DPH6: variants seen among roughly 807,000 people sequenced by gnomAD.
DPH6 encodes diphthine--ammonia ligase.
A neutral mutation model predicts 38.2 loss-of-function variants in DPH6; 33 were observed. The observed-to-expected ratio is 0.86, with a 90% CI of 0.65 to 1.15. DPH6 has a LOEUF of 1.15. Among genes scored for constraint, DPH6 ranks in the 50% most tolerant of loss-of-function variants. The pLI, the probability that DPH6 is intolerant of heterozygous loss-of-function variation, is 0.00. For synonymous variants in DPH6, 108 were observed against 103.0 expected, an observed-to-expected ratio of 1.05 and a Z score of -0.30; for missense variants, 325 against 320.0, an observed-to-expected ratio of 1.02 and a Z score of -0.12.
chr15:35,275,726 A>T (rs112820656), intron 3 of DPH6, among the ~76,000 whole-genome samples: 5,802 of 152,016 alleles, frequency 0.038, 290 homozygotes, highest in African/African-American at 0.12. Context: ...AAAAAAAAAA[A>T]AATAATAATA....
intron 3 of DPH6, among the ~76,000 whole-genome samples, chr15:35,271,127 T>C (rs951174306): frequency 4.6e-5 from 7 of 152,226 alleles, no homozygotes; most frequent in African/African-American, 1.7e-4. Flanking sequence ...AAAGGATTAG[T>C]TCAGCCAAAC....
At chr15:35,198,467 C>G in the DPH6 span, among the ~76,000 whole-genome samples, 3 of 152,154 alleles carry the variant, frequency 2.0e-5, no homozygotes, top group Non-Finnish European at 4.4e-5. Flanking sequence ...TTGGTGGAAT[C>G]CTTGCTTAAA....
chr15:35,494,213 T>C (rs904268745), intron 3 of DPH6, among the ~76,000 whole-genome samples: 3 of 152,168 alleles, frequency 2.0e-5, no homozygotes, highest in Non-Finnish European at 4.4e-5. Flanking sequence ...TATTACTATT[T>C]AATATTACTG....
At chr15:35,149,522 C>A in the DPH6 span, among the ~76,000 whole-genome samples, 3 of 152,198 alleles carry the variant, frequency 2.0e-5, no homozygotes, top group Non-Finnish European at 4.4e-5. Flanking sequence ...CAGGCGTGAG[C>A]CACTGTGCCT....
At chr15:35,536,649 T>C (rs905518073) in intron 3 of DPH6, among the ~76,000 whole-genome samples, 2 of 152,054 alleles carry the variant, frequency 1.3e-5, no homozygotes, top group African/African-American at 4.8e-5. Context: ...TCTTCCAAAG[T>C]GATCAAGTTT....
chr15:35,171,094 T>C, the DPH6 span, among the ~76,000 whole-genome samples: 1 of 152,228 alleles, frequency 6.6e-6, no homozygotes, highest in Non-Finnish European at 1.5e-5. Context: ...GAAGGTGACA[T>C]TCATTGTAAA....
chr15:35,292,179 G>A (rs2051984534), intron 3 of DPH6, among the ~76,000 whole-genome samples: 2 of 152,044 alleles, frequency 1.3e-5, no homozygotes, highest in African/African-American at 4.8e-5. Context: ...GAAAATTTGG[G>A]AAAAAATTGC....
chr15:35,538,043 T>C (rs925080412), intron 3 of DPH6: 7 of 310,982 alleles, frequency 2.3e-5, no homozygotes, highest in Admixed American at 9.5e-5. Context: ...TTAATATCAT[T>C]TGATAATCCT....
intron 6 of DPH6, among the ~76,000 whole-genome samples, chr15:35,395,537 T>G (rs1193071097): frequency 6.6e-6 from 1 of 152,190 alleles, no homozygotes; most frequent in East Asian, 1.9e-4. Context: ...TTAGTTTCAT[T>G]TAGACCAAAT....
At chr15:35,497,675 A>C (rs1205079439) in intron 3 of DPH6, among the ~76,000 whole-genome samples, 1 of 152,230 alleles carries the variant, frequency 6.6e-6, no homozygotes, top group African/African-American at 2.4e-5. Flanking sequence ...TAAAAATGTC[A>C]AACAACCCTC....
intron 6 of DPH6, among the ~76,000 whole-genome samples, chr15:35,386,419 C>A (rs2052958818): frequency 6.6e-6 from 1 of 152,226 alleles, no homozygotes; most frequent in African/African-American, 2.4e-5. Flanking sequence ...TGAGGAGTCG[C>A]CACACCAACT....
At chr15:35,523,240 C>CTT (rs35551024) in intron 3 of DPH6, among the ~76,000 whole-genome samples, 1 of 100,094 alleles carries the variant, frequency 1.0e-5, no homozygotes, top group South Asian at 3.4e-4. Flanking sequence ...GTTACACATT[C>CTT]TTTTTTTTTT....
At chr15:35,233,280 G>A (rs939676309) in intron 3 of DPH6, among the ~76,000 whole-genome samples, 1 of 152,174 alleles carries the variant, frequency 6.6e-6, no homozygotes, top group Non-Finnish European at 1.5e-5. Context: ...TTGCACTCCA[G>A]CCTAGGCAAC....
intron 5 of DPH6, among the ~76,000 whole-genome samples, chr15:35,416,221 C>A (rs140869121): frequency 6.6e-6 from 1 of 151,888 alleles, no homozygotes; most frequent in African/African-American, 2.4e-5. Context: ...CGTCCTGGGT[C>A]GCAGGTTGAA....
At chr15:35,524,980 T>G (rs563928165) in intron 3 of DPH6, among the ~76,000 whole-genome samples, 2 of 152,272 alleles carry the variant, frequency 1.3e-5, no homozygotes, top group Non-Finnish European at 2.9e-5. Flanking sequence ...ACATCATCTC[T>G]GGAGGAAATA....
intron 3 of DPH6, among the ~76,000 whole-genome samples, chr15:35,517,854 TA>T (rs1222395201): frequency 1.3e-5 from 2 of 150,154 alleles, no homozygotes; most frequent in East Asian, 3.9e-4. Context: ...TTGTGGTATA[TA>T]ACAGCTTTTA....
intron 3 of DPH6, among the ~76,000 whole-genome samples, chr15:35,498,213 C>A (rs974921887): frequency 6.6e-6 from 1 of 152,084 alleles, no homozygotes; most frequent in Admixed American, 6.6e-5. Context: ...TGAGTGCCAG[C>A]CCTCAGAAAG....
chr15:35,273,116 C>T (rs2051834151), intron 3 of DPH6, among the ~76,000 whole-genome samples: 1 of 151,890 alleles, frequency 6.6e-6, no homozygotes. Flanking sequence ...TCATAAATTA[C>T]ACAGCCTAAG....
intron 3 of DPH6, among the ~76,000 whole-genome samples, chr15:35,235,365 G>A (rs772741769): frequency 2.0e-5 from 3 of 152,130 alleles, no homozygotes; most frequent in Non-Finnish European, 4.4e-5. Context: ...TTCCTGTCCT[G>A]ACCTTCGTTT....
Sources: allele counts gnomAD v4.1 joint callset (sites outside exome capture counted in the v4.1 genomes callset), GRCh38; gene constraint gnomAD v4.1.1; transcripts MANE v1.5; gene names NCBI Gene and HGNC (gene_info 2026-07-23, HGNC 2026-07-21).